FSIP2: variants seen among roughly 807,000 people sequenced by gnomAD.
FSIP2 encodes the protein fibrous sheath interacting protein 2, also known as fibrous sheath-interacting protein 2.
Under a neutral mutation model 510.5 loss-of-function variants are expected in FSIP2, and 367 were observed. The observed-to-expected ratio is 0.72, with a 90% confidence interval of 0.66 to 0.78. The LOEUF is 0.78. FSIP2 is among the 30% of genes least tolerant of loss of function. The pLI, the probability that FSIP2 is intolerant of heterozygous loss-of-function variation, is 0.00. For synonymous variants in FSIP2, 2,601 were observed against 2,732.2 expected (o/e 0.95, Z 1.50); for missense variants, 7,594 against 7,901.7 (o/e 0.96, Z 1.48).
intron 3 of FSIP2, 114 bp downstream of exon 3, chr2:185,743,408 C>A: frequency 1.9e-6 from 1 of 517,512 alleles, no homozygotes; most frequent in South Asian, 4.6e-5. Context: ...GGTCATGAGA[C>A]AATACTTAAT....
intron 12 of FSIP2, 91 bp from the exon 13 acceptor site, chr2:185,764,411 C>T (rs1692418626): frequency 1.6e-6 from 1 of 637,030 alleles, no homozygotes; most frequent in East Asian, 3.0e-5. Flanking sequence ...TCTTAAATTT[C>T]TGTACTATAA....
Position 185,796,899 on chromosome 2 carries a change from G to A in FSIP2, c.9763G>A (p.Asp3255Asn), listed in dbSNP as rs1233013009. Residue 3255 changes from aspartate to asparagine, a missense_variant, in exon 16 of 23, where the codon GAT becomes AAT. By Grantham distance (23) the Asp-to-Asn change is conservative. Transcript: ENST00000424728. The part of the protein sequence containing the change: ...RPRESNFGSF[D>N]QTMKGNSYLP... ...AAGGGAATCTAACTTTGGTAGTTTT[G>A]ATCAGACCATGAAAGGAAATAGCTA... 3 of 1,534,976 alleles carry A rather than the reference G, an allele frequency of 2.0e-6. No individual in the cohort carries two copies. The highest frequency in any genetic ancestry group is 3.3e-4 in the Middle Eastern group (2 of 5,982).
chr2:185,761,225 T>G, intron 10 of FSIP2, 122 bp downstream of exon 10: 1 of 406,274 alleles, frequency 2.5e-6, no homozygotes, highest in East Asian at 3.6e-5. Context: ...TGAGTTTTAT[T>G]CATGAAACAT....
rs370139621 is a variant in FSIP2 at position 185,828,283 on chromosome 2, G to C, written c.20517+84G>C. 53 of 778,744 alleles carry C rather than the reference G, an allele frequency of 6.8e-5. 1 individual carries two copies. Among genetic ancestry groups the C allele is most frequent in the South Asian group, 5.1e-4 (33 of 65,102 alleles). The allele number at this position is 778,744 out of a possible 1,614,324, so 48.2% of individuals were successfully genotyped here. ...AGTTTTCATAGTTCAGTCAGGGACTGTGTGGTATGATTTGAAGGATATCAG... is the reference window on the plus strand; with the variant it reads ...AGTTTTCATAGTTCAGTCAGGGACTCTGTGGTATGATTTGAAGGATATCAG... On this transcript the variant is annotated intron_variant, in intron 21 of 22. Transcript: ENST00000424728.
rs115746853 is a variant in FSIP2, at chr2:185,825,158, A to G, written c.20473+678A>G. On this transcript the variant is annotated intron_variant, in intron 20 of 22. Transcript: ENST00000424728. The stretch of plus-strand genomic sequence containing the variant: ...AACAAACATATTCTCCCAATTTGAG[A>G]GTGAAAATCATTTTTATCAAGATAA... Among the ~76,000 whole-genome samples the G allele has an allele frequency of 2.2e-4, 33 of 151,986 alleles. 1 individual carries two copies. The highest frequency in any genetic ancestry group is 6.7e-4 in the African/African-American group (28 of 41,522).
At chr2:185,816,950 GAAAC>G (rs1405507074) in intron 19 of FSIP2, among the ~76,000 whole-genome samples, 3 of 131,430 alleles carry the variant, frequency 2.3e-5, no homozygotes, top group East Asian at 2.2e-4. Flanking sequence ...AGAAGAGAGA[GAAAC>G]AAAAGGAAGA....
intron 21 of FSIP2, among the ~76,000 whole-genome samples, chr2:185,830,381 C>T (rs1423956042): frequency 1.3e-5 from 2 of 151,854 alleles, no homozygotes; most frequent in African/African-American, 4.8e-5. Context: ...AGGGCAAGAA[C>T]TCTTGTGTCT....
rs1693616516 is a variant in FSIP2, at chr2:185,807,580, C to T, written c.18274C>T (p.Leu6092Phe). 1 of 1,612,274 alleles carries T rather than the reference C, an allele frequency of 6.2e-7. No individual in the cohort carries two copies. Among genetic ancestry groups the T allele is most frequent in the Middle Eastern group, 1.7e-4 (1 of 6,040 alleles). The change falls in exon 17 of 23, where the codon CTC (leucine) becomes TTC (phenylalanine). Residue 6092 changes from leucine (L) to phenylalanine (F), a missense_variant. Transcript: ENST00000424728. ...QLVVQSVYNNLLPQFGSQEII... is the reference protein window; with the variant it reads ...QLVVQSVYNNFLPQFGSQEII... ...AGTGGTTCAGTCTGTTTATAATAAT[C>T]TCTTGCCACAGTTTGGATCACAAGA...
intron 13 of FSIP2, chr2:185,766,603 C>T (rs1692488577): frequency 6.7e-6 from 1 of 149,652 alleles, no homozygotes; most frequent in South Asian, 2.2e-4. Context: ...AAATGCAAAT[C>T]AAAACCACAA....
At chr2:185,772,226 A>T (rs1692619127) in intron 13 of FSIP2, among the ~76,000 whole-genome samples, 1 of 152,124 alleles carries the variant, frequency 6.6e-6, no homozygotes, top group African/African-American at 2.4e-5. Flanking sequence ...TGTTCTTCAG[A>T]GCCAGAGCCC....
intron 19 of FSIP2, 74 bp downstream of exon 19, chr2:185,815,545 C>A (rs1693810663): frequency 9.7e-6 from 6 of 616,516 alleles, no homozygotes; most frequent in African/African-American, 3.9e-5. Flanking sequence ...GGGCCCCTGG[C>A]AAAACTGTAA....
At position 185,792,649 on chromosome 2, in the gene FSIP2, A is replaced by AT. The variant is rs1693165406; in HGVS notation, c.5514dup (p.Ile1839TyrfsTer7). ...ATGGATCCTTTACTTTCGGAAGCAG[A>AT]TATAACCATAGTAACAGATAATATT... On this transcript the variant is annotated frameshift_variant, in exon 16 of 23. Coordinates refer to ENST00000424728, the MANE Select transcript of FSIP2 (RefSeq NM_173651.4). LOFTEE classifies it high-confidence loss of function. 2 of 1,533,894 alleles carry AT rather than the reference A, an allele frequency of 1.3e-6. No homozygotes were observed. Among genetic ancestry groups the AT allele is most frequent in the South Asian group, 2.4e-5 (2 of 84,032 alleles).
intron 13 of FSIP2, among the ~76,000 whole-genome samples, chr2:185,780,741 T>G (rs1692832593): frequency 6.6e-6 from 1 of 152,122 alleles, no homozygotes; most frequent in East Asian, 1.9e-4. Context: ...AGGTTGTTAC[T>G]GTTATATGTG....
Position 185,791,707 on chromosome 2 carries a change from C to T in FSIP2, c.4571C>T (p.Ala1524Val). 2.0e-6 allele frequency: 3 copies of T among 1,534,374 alleles called. No homozygotes were observed. The highest frequency in any genetic ancestry group is 2.6e-6 in the Non-Finnish European group (3 of 1,145,604). Residue 1524 changes from alanine (A) to valine (V), a missense_variant, in exon 16 of 23, where the codon GCT (alanine) becomes GTT (valine). Physicochemically the swap from Ala to Val is moderately conservative, Grantham distance 64. Transcript: ENST00000424728. Reference sequence around the variant, plus strand: ...CTTGACATTGACAACCCATCATTTGCTTCAATTATTGAGAAAATGGCCAAA... The same window carrying T: ...CTTGACATTGACAACCCATCATTTGTTTCAATTATTGAGAAAATGGCCAAA... ...ESLDIDNPSF[A>V]SIIEKMAKST...
chr2:185,824,698 A>G (rs1693984329), intron 20 of FSIP2, among the ~76,000 whole-genome samples: 1 of 151,760 alleles, frequency 6.6e-6, no homozygotes, highest in African/African-American at 2.4e-5. Context: ...TTGTGGTATC[A>G]AGTATATGGT....
chr2:185,801,969 T>A lies in FSIP2; in HGVS notation c.12663T>A (p.Ile4221=). The A allele has an allele frequency of 3.9e-6, 6 of 1,523,676 alleles. No individual in the cohort carries two copies. Among genetic ancestry groups the A allele is most frequent in the Non-Finnish European group, 5.3e-6 (6 of 1,140,894 alleles). The allele number at this position is 1,523,676 out of a possible 1,614,324, so 94.4% of individuals were successfully genotyped here. ...QKMVDSVYCN[I]LQMSDSLVSI... ...TGGTGGATTCTGTATATTGTAATAT[T>A]TTGCAAATGTCTGACTCTCTTGTTT... The change falls in exon 17 of 23, where the codon ATT becomes ATA. Residue 4221 remains isoleucine, a synonymous_variant. Coordinates refer to ENST00000424728, the MANE Select transcript of FSIP2 (RefSeq NM_173651.4).
rs1382460162 is a variant in FSIP2 at position 185,743,178 on chromosome 2, C to T, written c.271C>T (p.Arg91Ter). ...TTTTAACCTGACTGATCCCTATTGT[C>T]GACTTTTGGAAAACCAATATAAAAG... is the stretch of plus-strand genomic sequence containing the variant. ...YGFNLTDPYC[R>*]LLENQYKSLH... The change falls in exon 3 of 23, where the codon CGA becomes TGA. Residue 91 changes from arginine (R) to a stop codon, truncating the protein, a stop_gained. Transcript: ENST00000424728. LOFTEE classifies it high-confidence loss of function. The T allele has an allele frequency of 4.6e-6, 7 of 1,526,074 alleles. No homozygotes were observed. Among genetic ancestry groups the T allele is most frequent in the Non-Finnish European group, 5.2e-6 (6 of 1,143,050 alleles). The allele number at this position is 1,526,074 out of a possible 1,614,324, so 94.5% of individuals were successfully genotyped here.
Position 185,790,883 on chromosome 2 carries a change from A to G in FSIP2, c.3747A>G (p.Gly1249=). ...AAAAGCCTCCCTGGTTAAAATCTGG[A>G]AAAAGTGAACCTAAACCTGTAGATG... The part of the protein sequence containing the change: ...DPEKPPWLKS[G]KSEPKPVDDI... Residue 1249 remains glycine, a synonymous_variant, in exon 16 of 23, where the codon GGA becomes GGG. Coordinates refer to ENST00000424728, the MANE Select transcript of FSIP2 (RefSeq NM_173651.4). The G allele has an allele frequency of 1.3e-6, 2 of 1,531,442 alleles. No individual in the cohort carries two copies. Among genetic ancestry groups the G allele is most frequent in the Middle Eastern group, 1.7e-4 (1 of 5,954 alleles). 94.9% of individuals were successfully genotyped at this position (1,531,442 alleles called of 1,614,324 possible). A position where few individuals can be genotyped will look rare whatever the true frequency, so the allele number is the denominator to read the frequency against.
At position 185,805,087 on chromosome 2, in the gene FSIP2, A is replaced by G; in HGVS notation, c.15781A>G (p.Lys5261Glu). Residue 5261 changes from lysine (K) to glutamate (E), a missense_variant, in exon 17 of 23, where the codon AAA (lysine) becomes GAA (glutamate). Transcript: ENST00000424728. ...SDYDHVSELA[K>E]SGKEKTQPSL... ...TTATGACCATGTCTCTGAACTTGCT[A>G]AATCTGGTAAAGAAAAGACACAGCC... 1 of 1,605,512 alleles carries G rather than the reference A, an allele frequency of 6.2e-7. No individual in the cohort carries two copies. The highest frequency in any genetic ancestry group is 2.2e-5 in the East Asian group (1 of 44,720).
Sources: allele counts gnomAD v4.1 joint callset (sites outside exome capture counted in the v4.1 genomes callset), GRCh38; gene constraint gnomAD v4.1.1; transcripts MANE v1.5; gene names NCBI Gene and HGNC (gene_info 2026-07-23, HGNC 2026-07-21).